The following PFKP variants were observed in gnomAD, a reference collection of about 807,000 sequenced individuals.
The protein encoded by PFKP is phosphofructokinase, platelet.
A neutral mutation model predicts 94.3 loss-of-function variants in PFKP; 101 were observed. The ratio of observed to expected loss-of-function variants is 1.07; its 90% CI spans 0.91 to 1.26. The LOEUF is 1.26. PFKP is among the 50% of genes most tolerant of loss of function. The pLI, the probability that PFKP is intolerant of heterozygous loss-of-function variation, is 0.00. For synonymous variants in PFKP, 573 were observed against 432.6 expected (o/e 1.32, Z -4.03); for missense variants, 1,145 against 1,103.3 (o/e 1.04, Z -0.53).
At chr10:3,132,546 T>C in intron 18 of PFKP, 105 bp downstream of exon 18, 1 of 782,916 alleles carries the variant, frequency 1.3e-6, no homozygotes, top group Non-Finnish European at 2.3e-6. Context: ...TCTTTGCCGC[T>C]AGAGTGCACT....
At chr10:3,069,120 C>A in intron 1 of PFKP, 1 of 552,352 alleles carries the variant, frequency 1.8e-6, no homozygotes, top group Non-Finnish European at 2.5e-6. Context: ...TCCCCAGGCC[C>A]GCAGCGCAGC....
At chr10:3,108,420 AT>A (rs1364550069) in intron 8 of PFKP, among the ~76,000 whole-genome samples, 1 of 151,978 alleles carries the variant, frequency 6.6e-6, no homozygotes, top group Non-Finnish European at 1.5e-5. Context: ...TTACTTTTTT[AT>A]TTTTCTTTTT....
chr10:3,118,873 C>CGTA lies in PFKP; in HGVS notation c.1530+6_1530+7insAGT. 3 of 1,608,638 alleles carry CGTA rather than the reference C, an allele frequency of 1.9e-6. No individual in the cohort carries two copies. Among genetic ancestry groups the CGTA allele is most frequent in the East Asian group, 2.2e-5 (1 of 44,780 alleles). On this transcript the variant is annotated splice_donor_region_variant and intron_variant, in intron 15 of 21. Transcript: ENST00000381125. ...GCTGATCATCGGTGGATTCGAGGTA[C>CGTA]GTTACCGTTTCTCTCTTGCCGGTCT...
intron 1 of PFKP, among the ~76,000 whole-genome samples, chr10:3,068,356 G>A (rs1328784175): frequency 6.6e-6 from 1 of 152,222 alleles, no homozygotes; most frequent in Non-Finnish European, 1.5e-5. Flanking sequence ...CGGTCCGGCA[G>A]CCCCTCGCGT....
intron 17 of PFKP, among the ~76,000 whole-genome samples, chr10:3,132,101 C>T (rs1228089198): frequency 2.0e-5 from 3 of 152,096 alleles, no homozygotes; most frequent in South Asian, 2.1e-4. Context: ...AGGCAAAGCA[C>T]GGAATTACCA....
At chr10:3,100,808 G>C in intron 3 of PFKP, 2 of 597,078 alleles carry the variant, frequency 3.3e-6, no homozygotes. Flanking sequence ...TTGGATGAAA[G>C]AATTTAAGAT....
At chr10:3,090,525 C>T (rs1396218571) in intron 2 of PFKP, among the ~76,000 whole-genome samples, 1 of 152,312 alleles carries the variant, frequency 6.6e-6, no homozygotes, top group East Asian at 1.9e-4. Flanking sequence ...CACATCTATT[C>T]ACAGATGGCT....
chr10:3,078,698 C>T (rs979534570), intron 1 of PFKP, among the ~76,000 whole-genome samples: 20 of 152,184 alleles, frequency 1.3e-4, no homozygotes, highest in African/African-American at 4.8e-4. Context: ...AGTTTATCCC[C>T]CTAAGAGCCT....
At chr10:3,090,434 A>G (rs1010535022) in intron 2 of PFKP, among the ~76,000 whole-genome samples, 1 of 152,148 alleles carries the variant, frequency 6.6e-6, no homozygotes, top group Non-Finnish European at 1.5e-5. Flanking sequence ...GAGCTGTTTG[A>G]CTGCTTTTCA....
chr10:3,131,913 C>G (rs560075003), intron 17 of PFKP, among the ~76,000 whole-genome samples: 2 of 152,152 alleles, frequency 1.3e-5, no homozygotes, highest in Non-Finnish European at 2.9e-5. Flanking sequence ...CTAAGACCAT[C>G]TTTTCCTTAA....
chr10:3,067,587 C>T lies in PFKP; in HGVS notation c.-9C>T. ...ACCCGGACGTGCGGCTCCCCTCGGC[C>T]TCCTCGCCATGGACGCGGACGACTC... On this transcript the variant is annotated 5_prime_UTR_variant, in exon 1 of 22. Coordinates refer to ENST00000381125, the MANE Select transcript of PFKP (RefSeq NM_002627.5). 1 of 1,479,702 alleles carries T rather than the reference C, an allele frequency of 6.8e-7. No homozygotes were observed. The highest frequency in any genetic ancestry group is 9.1e-7 in the Non-Finnish European group (1 of 1,096,636). The allele number at this position is 1,479,702 out of a possible 1,614,324, so 91.7% of individuals were successfully genotyped here. A position where few individuals can be genotyped will look rare whatever the true frequency, so the allele number is the denominator to read the frequency against.
intron 2 of PFKP, among the ~76,000 whole-genome samples, chr10:3,083,687 G>C (rs957727624): frequency 1.3e-5 from 2 of 152,054 alleles, no homozygotes; most frequent in African/African-American, 4.8e-5. Flanking sequence ...TTGTCCCCCA[G>C]GCTTGAGTGC....
chr10:3,101,145 G>A (rs1834958801), intron 3 of PFKP: 1 of 768,150 alleles, frequency 1.3e-6, no homozygotes, highest in Admixed American at 2.4e-5. Context: ...ACCCTCCCTG[G>A]CTCCTCCTGG....
intron 16 of PFKP, among the ~76,000 whole-genome samples, chr10:3,128,704 G>T (rs1031348731): frequency 1.3e-5 from 2 of 152,252 alleles, no homozygotes. Context: ...CCCCTCATCT[G>T]CTGATGCAGG....
At chr10:3,120,369 C>CTGTGTGTGTGTGTGTG (rs3841457) in intron 16 of PFKP, among the ~76,000 whole-genome samples, 176 of 108,574 alleles carry the variant, frequency 1.6e-3, no homozygotes, top group Non-Finnish European at 2.8e-3. Context: ...TTAAAAATCG[C>CTGTGTGTGTGTGTGTG]TGTGTGTGTG....
At chr10:3,113,013 G>A (rs976894843) in intron 11 of PFKP, 106 bp from the exon 12 acceptor site, 14 of 984,472 alleles carry the variant, frequency 1.4e-5, no homozygotes, top group South Asian at 4.3e-5. Context: ...CCAGATAGTC[G>A]GGCAGACACA....
intron 2 of PFKP, among the ~76,000 whole-genome samples, chr10:3,090,245 C>T (rs1203057726): frequency 6.6e-6 from 1 of 152,210 alleles, no homozygotes; most frequent in African/African-American, 2.4e-5. Context: ...TCCTGGCCTG[C>T]CTCTCAGACC....
chr10:3,116,957 C>G lies in PFKP; in HGVS notation c.1442+111C>G. On this transcript the variant is annotated intron_variant, in intron 14 of 21. Transcript: ENST00000381125. ...CCAGTTGGATTCCTGGAAAGGCGTC[C>G]CTAAGGGAGGGGTGCAGGCAGTTAC... 6 of 856,456 alleles carry G rather than the reference C, an allele frequency of 7.0e-6. No homozygotes were observed. The South Asian group carries it at 8.1e-5, about 12-fold the overall frequency. The allele number at this position is 856,456 out of a possible 1,614,324, so 53.1% of individuals were successfully genotyped here.
At chr10:3,086,179 T>C (rs1833578441) in intron 2 of PFKP, among the ~76,000 whole-genome samples, 1 of 152,190 alleles carries the variant, frequency 6.6e-6, no homozygotes, top group South Asian at 2.1e-4. Context: ...TCACAGAATG[T>C]TTCCCAGGAT....
Sources: allele counts gnomAD v4.1 joint callset (sites outside exome capture counted in the v4.1 genomes callset), GRCh38; gene constraint gnomAD v4.1.1; transcripts MANE v1.5; gene names NCBI Gene and HGNC (gene_info 2026-07-23, HGNC 2026-07-21).